RELCH: variants seen among roughly 807,000 people sequenced by gnomAD.
RELCH encodes RAB11 binding and LisH domain, coiled-coil and HEAT repeat containing, also known as RAB11-binding protein RELCH.
In RELCH, 41 loss-of-function variants were observed where a neutral mutation model predicts 150.3. The ratio of observed to expected loss-of-function variants is 0.27; its 90% CI spans 0.21 to 0.35. The LOEUF (loss-of-function observed/expected upper bound fraction) is 0.35. RELCH is among the 10% of genes least tolerant of loss of function. RELCH has a pLI of 1.00. For synonymous variants in RELCH, 478 were observed against 531.8 expected (o/e 0.90, Z 1.39); for missense variants, 1,092 against 1,467.8 (o/e 0.74, Z 4.18).
chr18:62,264,079 A>G lies in RELCH; in HGVS notation c.2441A>G (p.Tyr814Cys), dbSNP rs1283211746. The G allele has an allele frequency of 5.0e-6, 8 of 1,605,932 alleles. No individual in the cohort carries two copies. The highest frequency in any genetic ancestry group is 6.8e-6 in the Non-Finnish European group (8 of 1,176,926). ...REQLAVLLQL[Y>C]DYQLEQEGTT... ...CAATTGGCAGTGCTGCTGCAACTTT[A>G]TGACTACCAGCTAGAACAAGAGGGT... is the stretch of plus-strand genomic sequence containing the variant. The change falls in exon 17 of 29, where the codon TAT becomes TGT. Residue 814 changes from tyrosine (Y) to cysteine (C), a missense_variant. Physicochemically the swap from Tyr to Cys is radical, Grantham distance 194. Around this residue, in one of 4 missense-constraint regions of RELCH, gnomAD observed 707 missense variants for 1,025.4 expected, o/e 0.69. Coordinates refer to ENST00000644646, the MANE Select transcript of RELCH (RefSeq NM_001346231.2).
intron 28 of RELCH, among the ~76,000 whole-genome samples, chr18:62,303,164 A>AT (rs369297326): frequency 0.17 from 24,542 of 147,478 alleles, 2,595 homozygotes; most frequent in Middle Eastern, 0.28. Flanking sequence ...TAATGCAATG[A>AT]TTTTTTTTTT....
chr18:62,285,907 C>T (rs1436101981), intron 25 of RELCH: 1 of 152,138 alleles, frequency 6.6e-6, no homozygotes, highest in Non-Finnish European at 1.5e-5. Context: ...TGTGGTACCC[C>T]AGGACAATAT....
chr18:62,198,533 G>C (rs1450805620), intron 1 of RELCH, among the ~76,000 whole-genome samples: 7 of 152,284 alleles, frequency 4.6e-5, no homozygotes, highest in African/African-American at 1.7e-4. Context: ...GATTGCTCAA[G>C]GTAGTATCGT....
At chr18:62,208,419 G>A (rs1178094065) in intron 1 of RELCH, among the ~76,000 whole-genome samples, 2 of 150,718 alleles carry the variant, frequency 1.3e-5, no homozygotes, top group South Asian at 2.1e-4. Flanking sequence ...CCTTTATCAC[G>A]GTATTAGTTT....
intron 1 of RELCH, among the ~76,000 whole-genome samples, chr18:62,195,058 T>G (rs1196434046): frequency 6.6e-6 from 1 of 152,186 alleles, no homozygotes; most frequent in Admixed American, 6.5e-5. Context: ...TAATCCATAT[T>G]TACAAAACAT....
intron 8 of RELCH, 88 bp from the exon 9 acceptor site, chr18:62,231,106 T>G (rs542519286): frequency 2.3e-6 from 2 of 872,498 alleles, no homozygotes; most frequent in Admixed American, 4.2e-5. Flanking sequence ...AATGCTGGAA[T>G]GGAAGTTATA....
intron 2 of RELCH, among the ~76,000 whole-genome samples, chr18:62,213,945 A>G (rs2040331922): frequency 6.6e-6 from 1 of 152,034 alleles, no homozygotes. Context: ...ACAATGAGCA[A>G]AGGGTAGTGG....
chr18:62,211,505 G>A (rs1471215256), intron 2 of RELCH, among the ~76,000 whole-genome samples: 1 of 152,174 alleles, frequency 6.6e-6, no homozygotes, highest in Non-Finnish European at 1.5e-5. Flanking sequence ...CCACACAGTT[G>A]TAAAACTAAT....
chr18:62,292,349 C>A (rs1438338052), intron 27 of RELCH, among the ~76,000 whole-genome samples: 2 of 152,114 alleles, frequency 1.3e-5, no homozygotes, highest in Non-Finnish European at 2.9e-5. Context: ...ATTCAAAACT[C>A]CTGTGGCTCC....
intron 26 of RELCH, among the ~76,000 whole-genome samples, chr18:62,291,268 T>TA (rs1297118254): frequency 7.9e-5 from 12 of 152,232 alleles, no homozygotes; most frequent in Non-Finnish European, 1.6e-4. Flanking sequence ...ACTTAATTGT[T>TA]ACGCTCACTT....
intron 20 of RELCH, chr18:62,269,499 C>T: frequency 3.2e-6 from 1 of 316,654 alleles, no homozygotes. Context: ...ACACATTATA[C>T]ACATAGCCTG....
At chr18:62,223,240 T>C (rs2148385471) in intron 5 of RELCH, among the ~76,000 whole-genome samples, 1 of 152,016 alleles carries the variant, frequency 6.6e-6, no homozygotes, top group African/African-American at 2.4e-5. Context: ...CTAGCCTAAC[T>C]GATTAGGAAA....
intron 28 of RELCH, among the ~76,000 whole-genome samples, chr18:62,304,384 T>G (rs1026852407): frequency 6.6e-6 from 1 of 152,174 alleles, no homozygotes; most frequent in Non-Finnish European, 1.5e-5. Context: ...GTTTTTAACT[T>G]GAGTAATTCA....
chr18:62,296,284 C>T lies in RELCH; in HGVS notation c.3460-2506C>T, dbSNP rs371751164. ...GCTTGTTTCATCAGCTGTTGAAAGA[C>T]GCGTTGAAAGTTACAATTGGCAGCC... On this transcript the variant is annotated intron_variant, in intron 27 of 28. Coordinates refer to ENST00000644646, the MANE Select transcript of RELCH (RefSeq NM_001346231.2). Among the ~76,000 whole-genome samples the T allele has an allele frequency of 1.8e-3, 276 of 152,178 alleles. 11 individuals carry two copies. In the South Asian group the frequency reaches 0.055, roughly 30 times the overall value.
At chr18:62,250,598 A>G (rs1457628313) in intron 11 of RELCH, among the ~76,000 whole-genome samples, 1 of 152,238 alleles carries the variant, frequency 6.6e-6, no homozygotes, top group Non-Finnish European at 1.5e-5. Context: ...GGGTAATGAT[A>G]TAAAGGGGAA....
At chr18:62,257,249 C>T (rs1568389509) in intron 13 of RELCH, among the ~76,000 whole-genome samples, 1 of 151,962 alleles carries the variant, frequency 6.6e-6, no homozygotes, top group Non-Finnish European at 1.5e-5. Context: ...CTAAAACACT[C>T]TTTATCATAA....
chr18:62,195,463 G>GA (rs1286742515), intron 1 of RELCH, among the ~76,000 whole-genome samples: 2 of 152,116 alleles, frequency 1.3e-5, no homozygotes, highest in African/African-American at 4.8e-5. Context: ...TTTTCTGCTT[G>GA]AAGCATTAGG....
intron 25 of RELCH, 46 bp downstream of exon 25, chr18:62,282,490 CA>C: frequency 6.3e-7 from 1 of 1,579,232 alleles, no homozygotes; most frequent in Non-Finnish European, 8.6e-7. Context: ...AATGTAAGAT[CA>C]AAGCTAGACA....
Position 62,200,562 on chromosome 18 carries a change from C to CT in RELCH, c.527-10575dup, listed in dbSNP as rs777685514. Among the ~76,000 whole-genome samples, 846 of 139,728 alleles carry CT rather than the reference C, an allele frequency of 6.1e-3. 1 individual carries two copies. The highest frequency in any genetic ancestry group is 8.2e-3 in the Non-Finnish European group (523 of 63,762). The allele number at this position is 139,728 out of a possible 152,430, so 91.7% of individuals were successfully genotyped here. On this transcript the variant is annotated intron_variant, in intron 1 of 28. Coordinates refer to ENST00000644646, the MANE Select transcript of RELCH (RefSeq NM_001346231.2). ...GCTAAAAGTAAAAGGCTGTCCCCAACTTTTTTTTTTTTTTTTAATGGAGAG... is the reference window on the plus strand; with the variant it reads ...GCTAAAAGTAAAAGGCTGTCCCCAACTTTTTTTTTTTTTTTTTAATGGAGAG...
Sources: gnomAD v4.1 joint callset for allele counts (sites outside exome capture counted in the v4.1 genomes callset) on GRCh38, gnomAD v4.1.1 for gene constraint, gnomAD v4.1.1 regional missense constraint, MANE v1.5 for transcripts, NCBI Gene and HGNC (gene_info 2026-07-23, HGNC 2026-07-21) for gene names.